The following B3GALT1 variants were observed in gnomAD, a reference collection of about 807,000 sequenced individuals.
B3GALT1 encodes UDP-Gal:betaGlcNAc beta 1,3-galactosyltransferase, polypeptide 1.
Under a neutral mutation model 23.2 loss-of-function variants are expected in B3GALT1, and 10 were observed. The observed-to-expected ratio is 0.43, with a 90% confidence interval of 0.27 to 0.73. B3GALT1 has a LOEUF of 0.73. Ranked by LOEUF, B3GALT1 falls within the 30% of genes least tolerant of loss-of-function variation. B3GALT1 has a pLI of 0.21. For missense variants in B3GALT1, 299 were observed against 405.4 expected, an observed-to-expected ratio of 0.74 and a Z score of 2.25; for synonymous variants, 156 against 141.5, an observed-to-expected ratio of 1.10 and a Z score of -0.73.
rs13411271 is a variant in B3GALT1, at chr2:167,715,141, A to C, written c.-352+68175A>C. 3.3e-3 allele frequency: 5,344 copies of C among 1,613,838 alleles called. 169 individuals are homozygous for C. The African/African-American group carries it at 0.062, about 19-fold the overall frequency. On this transcript the variant is annotated intron_variant, in intron 3 of 4. Coordinates refer to ENST00000392690, the MANE Select transcript of B3GALT1 (RefSeq NM_020981.4). ...TCAGTTTCTTCAAAGCTCCTTTGGGAGGATCATCTAAGTAAGCACCATTTT... is the reference window on the plus strand; with the variant it reads ...TCAGTTTCTTCAAAGCTCCTTTGGGCGGATCATCTAAGTAAGCACCATTTT...
intron 1 of B3GALT1, among the ~76,000 whole-genome samples, chr2:167,337,909 C>T (rs966723134): frequency 3.9e-5 from 6 of 152,148 alleles, no homozygotes; most frequent in South Asian, 2.1e-4. Context: ...CTCTGGATTC[C>T]GAGAAACCAG....
At chr2:167,699,982 G>T (rs1035801469) in intron 3 of B3GALT1, among the ~76,000 whole-genome samples, 3 of 152,148 alleles carry the variant, frequency 2.0e-5, no homozygotes, top group African/African-American at 7.2e-5. Context: ...CAAAGTGCTG[G>T]GATTACAGGC....
chr2:167,374,050 T>A (rs1697726479), intron 1 of B3GALT1, among the ~76,000 whole-genome samples: 1 of 152,190 alleles, frequency 6.6e-6, no homozygotes, highest in Non-Finnish European at 1.5e-5. Context: ...GTGTCTGTTA[T>A]TGCCATCTTT....
At chr2:167,809,768 A>G (rs974025756) in intron 3 of B3GALT1, among the ~76,000 whole-genome samples, 4 of 152,174 alleles carry the variant, frequency 2.6e-5, no homozygotes, top group African/African-American at 9.7e-5. Context: ...CTGTTCTCAG[A>G]TGTCCAGCTG....
At chr2:167,583,918 C>T (rs760802118) in intron 2 of B3GALT1, among the ~76,000 whole-genome samples, 1 of 151,676 alleles carries the variant, frequency 6.6e-6, no homozygotes, top group Non-Finnish European at 1.5e-5. Context: ...ACTAACCATG[C>T]CTCTAAAAAC....
At chr2:167,313,179 A>G (rs1013263998) in intron 1 of B3GALT1, among the ~76,000 whole-genome samples, 17 of 152,132 alleles carry the variant, frequency 1.1e-4, no homozygotes, top group African/African-American at 3.4e-4. Context: ...AAGCCAGAGT[A>G]CCACCACTTT....
At chr2:167,433,374 A>G (rs1186304023) in intron 1 of B3GALT1, among the ~76,000 whole-genome samples, 1 of 152,144 alleles carries the variant, frequency 6.6e-6, no homozygotes, top group Non-Finnish European at 1.5e-5. Context: ...CATTTTGGCA[A>G]TTATGGTAAA....
intron 2 of B3GALT1, among the ~76,000 whole-genome samples, chr2:167,593,761 G>C (rs960150806): frequency 6.6e-6 from 1 of 152,232 alleles, no homozygotes; most frequent in African/African-American, 2.4e-5. Flanking sequence ...GGGCGGTGCA[G>C]TTCCACAACA....
chr2:167,404,807 C>T (rs1698248791), intron 1 of B3GALT1, among the ~76,000 whole-genome samples: 1 of 152,160 alleles, frequency 6.6e-6, no homozygotes, highest in Non-Finnish European at 1.5e-5. Context: ...TGCCTCCTGG[C>T]ACTCTGTGCG....
intron 3 of B3GALT1, among the ~76,000 whole-genome samples, chr2:167,731,430 G>A (rs1235982447): frequency 6.6e-6 from 1 of 152,134 alleles, no homozygotes; most frequent in African/African-American, 2.4e-5. Flanking sequence ...GATCATCAGC[G>A]CCCAAAGCTA....
At chr2:167,677,825 C>A (rs1486486608) in intron 3 of B3GALT1, among the ~76,000 whole-genome samples, 1 of 152,152 alleles carries the variant, frequency 6.6e-6, no homozygotes, top group African/African-American at 2.4e-5. Flanking sequence ...AGGAAACTTA[C>A]AATCATGGCA....
intron 3 of B3GALT1, chr2:167,713,747 G>A (rs534639529): frequency 6.3e-7 from 1 of 1,580,796 alleles, no homozygotes; most frequent in East Asian, 2.2e-5. Flanking sequence ...CCTTCAGAAT[G>A]TGGGGTTGGG....
At chr2:167,705,565 C>T (rs915406190) in intron 3 of B3GALT1, among the ~76,000 whole-genome samples, 4 of 152,098 alleles carry the variant, frequency 2.6e-5, no homozygotes, top group African/African-American at 9.7e-5. Flanking sequence ...AGGCTAACCT[C>T]ATAAAATAAA....
intron 3 of B3GALT1, among the ~76,000 whole-genome samples, chr2:167,780,733 T>C (rs535603657): frequency 1.3e-5 from 2 of 152,244 alleles, no homozygotes; most frequent in South Asian, 2.1e-4. Context: ...GCATGGACTT[T>C]ATTGATTCAG....
intron 1 of B3GALT1, among the ~76,000 whole-genome samples, chr2:167,457,882 C>A (rs1458014654): frequency 6.6e-6 from 1 of 152,202 alleles, no homozygotes; most frequent in African/African-American, 2.4e-5. Context: ...TGCTCCCCAA[C>A]AATCTGTATG....
chr2:167,503,158 G>T (rs1191005730), intron 2 of B3GALT1, among the ~76,000 whole-genome samples: 1 of 152,116 alleles, frequency 6.6e-6, no homozygotes, highest in Non-Finnish European at 1.5e-5. Flanking sequence ...TACTTTTAAA[G>T]TTAAGATTAT....
intron 1 of B3GALT1, among the ~76,000 whole-genome samples, chr2:167,435,965 ACACACACACACACACACG>A (rs1310317408): frequency 1.7e-4 from 24 of 142,162 alleles, no homozygotes; most frequent in Admixed American, 1.0e-3. Context: ...ACACACACAC[ACACACACACACACACACG>A]CACACACACA....
intron 3 of B3GALT1, among the ~76,000 whole-genome samples, chr2:167,775,681 T>TAC (rs147735818): frequency 0.24 from 35,808 of 150,232 alleles, 4,450 homozygotes; most frequent in East Asian, 0.4. Flanking sequence ...TTTGAAAGTA[T>TAC]ACACACACAC....
chr2:167,458,026 A>G (rs540409562), intron 1 of B3GALT1, among the ~76,000 whole-genome samples: 2 of 152,294 alleles, frequency 1.3e-5, no homozygotes, highest in East Asian at 3.9e-4. Context: ...TATTAAATAC[A>G]TTTATAATGT....
Sources: allele counts gnomAD v4.1 joint callset (sites outside exome capture counted in the v4.1 genomes callset), GRCh38; gene constraint gnomAD v4.1.1; transcripts MANE v1.5; gene names NCBI Gene and HGNC (gene_info 2026-07-23, HGNC 2026-07-21).